SGK1: variants seen among roughly 807,000 people sequenced by gnomAD.
SGK1 encodes the protein serum/glucocorticoid regulated kinase 1, also known as serine/threonine-protein kinase Sgk1.
SGK1 carries 26 observed loss-of-function variants against 64.2 expected under a neutral mutation model. The observed-to-expected ratio is 0.40, with a 90% confidence interval of 0.30 to 0.56. The LOEUF is 0.56. Among genes scored for constraint, SGK1 ranks in the 20% least tolerant of loss-of-function variants. The probability of loss-of-function intolerance (pLI) is 0.38; values close to 1 mark genes in which losing one functional copy is unlikely to be tolerated. For synonymous variants in SGK1, 265 were observed against 239.7 expected (o/e 1.11, Z -0.98); for missense variants, 519 against 645.6 (o/e 0.80, Z 2.12).
intron 1 of SGK1, among the ~76,000 whole-genome samples, chr6:134,293,802 T>G (rs904036209): frequency 1.3e-5 from 2 of 152,170 alleles, no homozygotes; most frequent in Non-Finnish European, 2.9e-5. Context: ...AATTCCTTGA[T>G]GACGCATGGC....
intron 1 of SGK1, among the ~76,000 whole-genome samples, chr6:134,273,386 C>T (rs1477878858): frequency 4.1e-5 from 6 of 146,216 alleles, no homozygotes; most frequent in Admixed American, 7.1e-5. Context: ...GTCAGGAGAT[C>T]GAAACCATCC....
intron 2 of SGK1, among the ~76,000 whole-genome samples, chr6:134,252,616 C>CAAAAAAAAAAAAAAAAAAAAA (rs11418007): frequency 1.5e-5 from 1 of 66,000 alleles, no homozygotes; most frequent in Admixed American, 3.0e-4. Flanking sequence ...GATTCCACCT[C>CAAAAAAAAAAAAAAAAAAAAA]AAAAAAAAAA....
chr6:134,317,568 C>A lies in SGK1; in HGVS notation c.-108G>T. 1 of 765,718 alleles carries A rather than the reference C, an allele frequency of 1.3e-6. No homozygotes were observed. The highest frequency in any genetic ancestry group is 1.8e-5 in the Admixed American group (1 of 54,592). The allele number at this position is 765,718 out of a possible 1,614,324, so 47.4% of individuals were successfully genotyped here. A position where few individuals can be genotyped will look rare whatever the true frequency, so the allele number is the denominator to read the frequency against. ...CTGCAGACAGTTAATGAAGACTGAGCGGGATGGAGAATCTAGCGGGGCTCA... is the reference window on the plus strand; with the variant it reads ...CTGCAGACAGTTAATGAAGACTGAGAGGGATGGAGAATCTAGCGGGGCTCA... On this transcript the variant is annotated 5_prime_UTR_variant, in exon 1 of 14. Transcript: ENST00000367858.
intron 2 of SGK1, among the ~76,000 whole-genome samples, chr6:134,223,706 A>C (rs1025099635): frequency 3.3e-5 from 5 of 152,230 alleles, no homozygotes; most frequent in Non-Finnish European, 7.3e-5. Flanking sequence ...GTTTTAGCAA[A>C]AAAGTCTGAT....
At chr6:134,204,759 G>A (rs1209700914) in intron 3 of SGK1, among the ~76,000 whole-genome samples, 1 of 151,946 alleles carries the variant, frequency 6.6e-6, no homozygotes, top group African/African-American at 2.4e-5. Context: ...TCACCATGTT[G>A]GCCAGGCTGG....
chr6:134,203,879 C>T (rs561261386), intron 3 of SGK1, among the ~76,000 whole-genome samples: 6 of 152,150 alleles, frequency 3.9e-5, no homozygotes, highest in African/African-American at 4.8e-5. Flanking sequence ...GCCTGAACAA[C>T]GTGGCAAAAC....
chr6:134,195,615 C>T (rs994771485), intron 3 of SGK1, among the ~76,000 whole-genome samples: 2 of 152,182 alleles, frequency 1.3e-5, no homozygotes, highest in Non-Finnish European at 2.9e-5. Flanking sequence ...CATCCTTGAA[C>T]TTGGAACCAT....
intron 3 of SGK1, among the ~76,000 whole-genome samples, chr6:134,201,968 C>T (rs570272008): frequency 2.6e-5 from 4 of 152,044 alleles, no homozygotes; most frequent in South Asian, 2.1e-4. Context: ...AAACTACTAG[C>T]GAACTAGAAG....
intron 2 of SGK1, among the ~76,000 whole-genome samples, chr6:134,220,304 A>G (rs1446204174): frequency 6.6e-6 from 1 of 152,104 alleles, no homozygotes; most frequent in Non-Finnish European, 1.5e-5. Context: ...TATTTAACAG[A>G]TGACTTAGTT....
chr6:134,216,187 T>G (rs952342337), intron 2 of SGK1, among the ~76,000 whole-genome samples: 1 of 152,164 alleles, frequency 6.6e-6, no homozygotes, highest in Admixed American at 6.6e-5. Flanking sequence ...TTGTCTCTGA[T>G]TCCTTTTTGG....
rs1178824070 is a variant in SGK1, at chr6:134,284,849, G to A, written c.70-22701C>T. Among the ~76,000 whole-genome samples the A allele has an allele frequency of 3.3e-5, 5 of 152,270 alleles. No individual in the cohort carries two copies. The East Asian group carries it at 9.6e-4, about 29-fold the overall frequency. ...AATGGCCTCCAGCTACACCCAAGTT[G>A]TGGCAAAAGACATTATTTTGTTCTT... On this transcript the variant is annotated intron_variant, in intron 1 of 13. Transcript: ENST00000367858.
At chr6:134,180,060 C>T (rs1582692928) in intron 3 of SGK1, among the ~76,000 whole-genome samples, 1 of 152,064 alleles carries the variant, frequency 6.6e-6, no homozygotes, top group Admixed American at 6.6e-5. Context: ...TTCAAGTAAT[C>T]CTCCCACCTC....
intron 1 of SGK1, among the ~76,000 whole-genome samples, chr6:134,274,113 C>A (rs1314254609): frequency 6.6e-6 from 1 of 152,074 alleles, no homozygotes; most frequent in Non-Finnish European, 1.5e-5. Context: ...AAGAGATTCT[C>A]CTGCCTCAGC....
rs576655283 is a variant in SGK1 at position 134,267,217 on chromosome 6, GTTTTTTA to G, written c.70-5076_70-5070del. 5.8e-4 allele frequency among the ~76,000 whole-genome samples: 88 copies of G among 150,720 alleles called. No homozygotes were observed. In the East Asian group the frequency reaches 0.017, roughly 28 times the overall value. On this transcript the variant is annotated intron_variant, in intron 1 of 13. Coordinates refer to ENST00000367858, the MANE Select transcript of SGK1 (RefSeq NM_001143676.3). ...TTTCATGTTATTTTTATTTCTTTTTGTTTTTTATTTTTATATTTTCTTTTTCTTTTTT... is the reference window on the plus strand; with the variant it reads ...TTTCATGTTATTTTTATTTCTTTTTGTTTTTATATTTTCTTTTTCTTTTTT...
At chr6:134,192,439 C>A (rs950783549) in intron 3 of SGK1, among the ~76,000 whole-genome samples, 42 of 152,202 alleles carry the variant, frequency 2.8e-4, no homozygotes, top group African/African-American at 9.7e-4. Context: ...CAATTTACAC[C>A]TTAACAAAAT....
At chr6:134,174,115 C>G in intron 4 of SGK1, 35 bp from the exon 5 acceptor site, 1 of 1,525,780 alleles carries the variant, frequency 6.6e-7, no homozygotes, top group South Asian at 1.1e-5. Context: ...TAGAATCCAG[C>G]TCGCCACTAG....
intron 3 of SGK1, among the ~76,000 whole-genome samples, chr6:134,203,276 G>A (rs1775714091): frequency 6.6e-6 from 1 of 152,138 alleles, no homozygotes. Flanking sequence ...GTCATTTATT[G>A]TAATCTTCAG....
chr6:134,266,132 G>A (rs575040402), intron 1 of SGK1, among the ~76,000 whole-genome samples: 43 of 151,750 alleles, frequency 2.8e-4, no homozygotes, highest in African/African-American at 9.7e-4. Context: ...TACAGGCACC[G>A]TGCCCCCACG....
intron 5 of SGK1, 59 bp from the exon 6 acceptor site, chr6:134,173,625 A>G (rs765901024): frequency 2.8e-5 from 32 of 1,160,200 alleles, no homozygotes; most frequent in Non-Finnish European, 3.4e-5. Flanking sequence ...AGACATCTAT[A>G]ACATAAACGA....
Sources: gnomAD v4.1 joint callset for allele counts (sites outside exome capture counted in the v4.1 genomes callset) on GRCh38, gnomAD v4.1.1 for gene constraint, MANE v1.5 for transcripts, NCBI Gene and HGNC (gene_info 2026-07-23, HGNC 2026-07-21) for gene names.